SSH1: variants seen among roughly 807,000 people sequenced by gnomAD.
SSH1 encodes protein phosphatase Slingshot homolog 1.
A neutral mutation model predicts 79.7 loss-of-function variants in SSH1; 43 were observed. The ratio of observed to expected loss-of-function variants is 0.54; its 90% CI spans 0.42 to 0.70. The LOEUF is 0.70. Among genes scored for constraint, SSH1 ranks in the 30% least tolerant of loss-of-function variants. The probability of loss-of-function intolerance (pLI) is 0.00; values close to 1 mark genes in which losing one functional copy is unlikely to be tolerated. For missense variants in SSH1, 1,206 were observed against 1,358.8 expected (o/e 0.89, Z 1.77); for synonymous variants, 599 against 538.3 (o/e 1.11, Z -1.56).
chr12:108,791,394 T>C (rs2036493972), intron 14 of SSH1, among the ~76,000 whole-genome samples: 1 of 152,210 alleles, frequency 6.6e-6, no homozygotes, highest in East Asian at 1.9e-4. Context: ...AGATGTGAGC[T>C]ACCGCGTCTG....
At chr12:108,827,352 T>C in intron 2 of SSH1, 1 of 1,548,386 alleles carries the variant, frequency 6.5e-7, no homozygotes, top group Non-Finnish European at 8.7e-7. Flanking sequence ...GGTTCGTGGC[T>C]GCAGTGCTCA....
chr12:108,794,508 GA>G (rs2036659509), intron 13 of SSH1, among the ~76,000 whole-genome samples: 1 of 152,198 alleles, frequency 6.6e-6, no homozygotes, highest in Non-Finnish European at 1.5e-5. Flanking sequence ...AACCTGTACA[GA>G]AATTTTTAGG....
rs2036132681 is a variant in SSH1, at chr12:108,780,122, T to C, written c.*7866A>G. 6.6e-6 allele frequency: 1 copy of C among 152,292 alleles called. No homozygotes were observed. Among genetic ancestry groups the C allele is most frequent in the Non-Finnish European group, 1.5e-5 (1 of 68,076 alleles). 9.4% of individuals were successfully genotyped at this position (152,292 alleles called of 1,614,324 possible). The stretch of plus-strand genomic sequence containing the variant: ...GGATGCGTGGGTGGGTGGTGTTTCC[T>C]GGGTGGAGCTCTCCTTTAGAAAGGG... On this transcript the variant is annotated 3_prime_UTR_variant, in exon 15 of 15. Transcript: ENST00000326495.
chr12:108,791,449 G>A (rs920710457), intron 14 of SSH1, among the ~76,000 whole-genome samples: 1 of 152,154 alleles, frequency 6.6e-6, no homozygotes, highest in Non-Finnish European at 1.5e-5. Flanking sequence ...TTGTGGCTAT[G>A]TTAACATACT....
intron 4 of SSH1, 118 bp downstream of exon 4, chr12:108,818,131 G>A: frequency 1.2e-6 from 1 of 820,280 alleles, no homozygotes; most frequent in Admixed American, 1.9e-5. Context: ...CCAGGAGTTT[G>A]AGGCTGTAGT....
At chr12:108,831,350 C>A (rs2038468779) in intron 2 of SSH1, among the ~76,000 whole-genome samples, 1 of 152,190 alleles carries the variant, frequency 6.6e-6, no homozygotes, top group African/African-American at 2.4e-5. Flanking sequence ...AGATGGGTGC[C>A]AACGAGCATT....
intron 2 of SSH1, among the ~76,000 whole-genome samples, chr12:108,839,400 G>T (rs2038721659): frequency 6.6e-6 from 1 of 152,192 alleles, no homozygotes; most frequent in South Asian, 2.1e-4. Context: ...GCGTGGCACG[G>T]GTGGGCCTGG....
chr12:108,798,922 C>A, intron 13 of SSH1, 78 bp downstream of exon 13: 1 of 1,541,036 alleles, frequency 6.5e-7, no homozygotes, highest in South Asian at 1.1e-5. Flanking sequence ...GCTCTGCTGC[C>A]GACAGAGGCC....
Position 108,788,539 on chromosome 12 carries a change from C to T in SSH1, c.2599G>A (p.Glu867Lys), listed in dbSNP as rs369677250. 126 of 1,571,486 alleles carry T rather than the reference C, an allele frequency of 8.0e-5. No homozygotes were observed. In the South Asian group the frequency reaches 1.3e-3, roughly 16 times the overall value. ...CTGGGCATAACCAGGGGGCCCAGCT[C>T]GTGGAGCGCGGCTGGATCCTGGCTC... ...EESQDPAALH[E>K]LGPLVMPSQA... Residue 867 changes from glutamate (E) to lysine (K), a missense_variant, in exon 15 of 15, where the codon GAG (glutamate) becomes AAG (lysine). Glu to Lys is a moderately conservative substitution (Grantham distance 56). This residue lies in a region of SSH1 where 709 missense variants were observed against 730.6 expected (regional missense o/e 0.97). Transcript: ENST00000326495.
In SSH1 at chr12:108,784,580, G is replaced by A. The variant is rs1366190412; in HGVS notation, c.*3408C>T. 1 of 152,204 alleles carries A rather than the reference G, an allele frequency of 6.6e-6. No homozygotes were observed. The highest frequency in any genetic ancestry group is 2.4e-5 in the African/African-American group (1 of 41,430). 9.4% of individuals were successfully genotyped at this position (152,204 alleles called of 1,614,324 possible). ...ATACATGCAACCAGGGACCTTGCTA[G>A]AAGGCTCGGAAGTAGCCGTAAGACA... On this transcript the variant is annotated 3_prime_UTR_variant, in exon 15 of 15. Transcript: ENST00000326495.
Position 108,786,615 on chromosome 12 carries a change from T to C in SSH1, c.*1373A>G, listed in dbSNP as rs1439660696. On this transcript the variant is annotated 3_prime_UTR_variant, in exon 15 of 15. Coordinates refer to ENST00000326495, the MANE Select transcript of SSH1 (RefSeq NM_018984.4). ...AAAGCCATCGCTTGAGCCAGGGAGG[T>C]TGATGCTGCAGTGAGTCATGATTGC... The C allele has an allele frequency of 2.6e-5, 4 of 152,210 alleles. No individual in the cohort carries two copies. Among genetic ancestry groups the C allele is most frequent in the Middle Eastern group, 3.4e-3 (1 of 294 alleles). The allele number at this position is 152,210 out of a possible 1,614,324, so 9.4% of individuals were successfully genotyped here. A position where few individuals can be genotyped will look rare whatever the true frequency, so the allele number is the denominator to read the frequency against.
rs370169583 is a variant in SSH1, at chr12:108,852,691, A to C, written c.70-13T>G. The C allele has an allele frequency of 1.2e-5, 19 of 1,614,030 alleles. No individual in the cohort carries two copies. The African/African-American group carries it at 2.5e-4, about 22-fold the overall frequency. ...TGCCAGCCTCCAACTACAGAGAAAG[A>C]AAGAGAATATCACACCACAGGCACC... On this transcript the variant is annotated splice_polypyrimidine_tract_variant and intron_variant, in intron 1 of 14. Transcript: ENST00000326495.
At chr12:108,819,702 A>G (rs1015559008) in intron 3 of SSH1, among the ~76,000 whole-genome samples, 4 of 152,106 alleles carry the variant, frequency 2.6e-5, no homozygotes, top group Non-Finnish European at 5.9e-5. Flanking sequence ...TCTGGTTCAC[A>G]TCTGTAGTCC....
intron 2 of SSH1, among the ~76,000 whole-genome samples, chr12:108,841,655 A>G (rs2038780712): frequency 1.3e-5 from 2 of 152,032 alleles, no homozygotes; most frequent in East Asian, 3.9e-4. Flanking sequence ...TAAAAATACG[A>G]AAAATTAGCT....
intron 13 of SSH1, among the ~76,000 whole-genome samples, chr12:108,794,299 T>G (rs1324519785): frequency 6.6e-6 from 1 of 152,172 alleles, no homozygotes; most frequent in African/African-American, 2.4e-5. Flanking sequence ...GTACTGGAAC[T>G]ACGGTGAGGA....
rs528428271 is a variant in SSH1, at chr12:108,806,511, G to A, written c.732-117C>T. ...GAACACGGCTTGGCAAGGAGAGCAC[G>A]CTTCTTGGTGTGCATGTTCTCAGGC... On this transcript the variant is annotated intron_variant, in intron 8 of 14. Coordinates refer to ENST00000326495, the MANE Select transcript of SSH1 (RefSeq NM_018984.4). 168 of 889,876 alleles carry A rather than the reference G, an allele frequency of 1.9e-4. 1 individual carries two copies. In the East Asian group the frequency reaches 3.6e-3, roughly 19 times the overall value. The allele number at this position is 889,876 out of a possible 1,614,324, so 55.1% of individuals were successfully genotyped here.
intron 7 of SSH1, among the ~76,000 whole-genome samples, chr12:108,808,909 C>T (rs983420071): frequency 2.1e-5 from 3 of 146,278 alleles, no homozygotes; most frequent in Non-Finnish European, 3.0e-5. Context: ...TCTCGGTTCA[C>T]GGCAACCTCC....
chr12:108,810,057 A>G (rs1200328196), intron 6 of SSH1, among the ~76,000 whole-genome samples: 1 of 152,032 alleles, frequency 6.6e-6, no homozygotes, highest in Non-Finnish European at 1.5e-5. Flanking sequence ...CTATGTTCCA[A>G]CGTGGTTCCT....
Position 108,852,623 on chromosome 12 carries a change from T to A in SSH1, c.110+15A>T, listed in dbSNP as rs182266049. 5.5e-3 allele frequency: 8,840 copies of A among 1,613,904 alleles called. 118 individuals carry two copies. Among genetic ancestry groups the A allele is most frequent in the Non-Finnish European group, 5.1e-3 (6,070 of 1,179,842 alleles). On this transcript the variant is annotated intron_variant, in intron 2 of 14. Transcript: ENST00000326495. ...GGGAGAAAGACTTAGGAACAAGAATTGAAAGTCTGCTTACCTGAGGTTTAA... is the reference window on the plus strand; with the variant it reads ...GGGAGAAAGACTTAGGAACAAGAATAGAAAGTCTGCTTACCTGAGGTTTAA...
Sources: gnomAD v4.1 joint callset for allele counts (sites outside exome capture counted in the v4.1 genomes callset) on GRCh38, gnomAD v4.1.1 for gene constraint, gnomAD v4.1.1 regional missense constraint, MANE v1.5 for transcripts, NCBI Gene and HGNC (gene_info 2026-07-23, HGNC 2026-07-21) for gene names.